Variants in BCL7C observed in about 807,000 individuals in gnomAD.
The protein encoded by BCL7C is BAF chromatin remodeling complex subunit BCL7C, also known as B-cell CLL/lymphoma 7 protein family member C.
Under a neutral mutation model 26.2 loss-of-function variants are expected in BCL7C, and 8 were observed. That is an observed-to-expected ratio of 0.30 (90% confidence interval 0.18 to 0.55). The LOEUF (loss-of-function observed/expected upper bound fraction) is 0.55. BCL7C is among the 20% of genes least tolerant of loss of function. The pLI is 0.93. For missense variants in BCL7C, 262 were observed against 298.5 expected (o/e 0.88, Z 0.90); for synonymous variants, 90 against 116.5 (o/e 0.77, Z 1.47).
chr16:30,885,058 G>A (rs1043593008), downstream of BCL7C, among the ~76,000 whole-genome samples: 16 of 152,166 alleles, frequency 1.1e-4, no homozygotes, highest in South Asian at 2.1e-4. Flanking sequence ...GCCCTCCAAA[G>A]AAGTCCACAT....
chr16:30,879,312 A>G (rs1468599562), intron 5 of BCL7C, among the ~76,000 whole-genome samples: 1 of 152,098 alleles, frequency 6.6e-6, no homozygotes, highest in East Asian at 1.9e-4. Context: ...AAGGCTGTCC[A>G]TCTCCCTGTG....
chr16:30,854,800 A>G (rs999853481), intron 5 of BCL7C, among the ~76,000 whole-genome samples: 1 of 150,194 alleles, frequency 6.7e-6, no homozygotes. Flanking sequence ...TCCGTCTCCC[A>G]GAGCGATTCT....
Position 30,888,084 on chromosome 16 carries a change from C to G in BCL7C, c.529-94G>C, listed in dbSNP as rs559223515. ...TCTCCAAAGCCTCCACTCCCCTCCC[C>G]TCCTGGGCCCGGGAGGCAAGCCCAG... On this transcript the variant is annotated intron_variant, in intron 5 of 5. Coordinates refer to ENST00000215115, the MANE Select transcript of BCL7C (RefSeq NM_004765.4). The G allele has an allele frequency of 7.1e-5, 97 of 1,366,314 alleles. 1 individual carries two copies. Among genetic ancestry groups the G allele is most frequent in the Non-Finnish European group, 9.0e-5 (91 of 1,011,710 alleles). The allele number at this position is 1,366,314 out of a possible 1,614,324, so 84.6% of individuals were successfully genotyped here.
intron 5 of BCL7C, among the ~76,000 whole-genome samples, chr16:30,871,357 T>C (rs1467579980): frequency 6.6e-6 from 1 of 152,170 alleles, no homozygotes. Context: ...GACAAGTGAC[T>C]TCACTTCTCT....
intron 5 of BCL7C, among the ~76,000 whole-genome samples, chr16:30,859,140 C>T (rs976614621): frequency 2.0e-5 from 3 of 152,146 alleles, no homozygotes; most frequent in African/African-American, 7.2e-5. Flanking sequence ...TGAGGGATTT[C>T]CTTAAGAAAA....
chr16:30,866,314 C>T (rs147834199), intron 5 of BCL7C, among the ~76,000 whole-genome samples: 64 of 152,264 alleles, frequency 4.2e-4, no homozygotes, highest in African/African-American at 1.5e-3. Context: ...CGGTGGTTCA[C>T]GCCTGTAATT....
intron 5 of BCL7C, among the ~76,000 whole-genome samples, chr16:30,840,926 G>A (rs1207734718): frequency 1.3e-5 from 2 of 152,154 alleles, no homozygotes; most frequent in South Asian, 2.1e-4. Context: ...CCCATGACAC[G>A]TGGAGATTAC....
Position 30,835,021 on chromosome 16 carries a change from TC to T in BCL7C, c.655del (p.Asp219ThrfsTer35). 1.3e-6 allele frequency: 2 copies of T among 1,549,244 alleles called. No individual in the cohort carries two copies. Among genetic ancestry groups the T allele is most frequent in the Non-Finnish European group, 1.7e-6 (2 of 1,146,544 alleles). ...GCTGCCTCCCCCGGGAGCTCTGGTG[TC>T]CGGCACCGCCATGGAACTGGGCCGG... On this transcript the variant is annotated frameshift_variant, in exon 6 of 6. Transcript: ENST00000380317. LOFTEE classifies it high-confidence loss of function.
downstream of BCL7C, among the ~76,000 whole-genome samples, chr16:30,883,536 CTTTTTTTTTTTTTTTT>C (rs71149065): frequency 2.2e-4 from 10 of 45,460 alleles, no homozygotes; most frequent in South Asian, 1.5e-3. Flanking sequence ...GCCAAACTGG[CTTTTTTTTTTTTTTTT>C]TTTTTTTTTT....
intron 5 of BCL7C, among the ~76,000 whole-genome samples, chr16:30,872,706 T>C (rs2054892078): frequency 6.6e-6 from 1 of 152,100 alleles, no homozygotes; most frequent in Non-Finnish European, 1.5e-5. Flanking sequence ...TGCTAGTCCA[T>C]TCCCCACCCC....
intron 5 of BCL7C, among the ~76,000 whole-genome samples, chr16:30,873,797 G>T (rs2054902966): frequency 6.8e-6 from 1 of 147,454 alleles, no homozygotes; most frequent in Non-Finnish European, 1.5e-5. Context: ...GTTGCAGTGA[G>T]CCGAGATCGA....
In BCL7C at chr16:30,841,674, G is replaced by A. The variant is rs577092766; in HGVS notation, c.529-6526C>T. ...GGGCTGTGTAAAGCTCAGGGCCCTT[G>A]GCCGGGCATGGTGGCTCACACCTGT... On this transcript the variant is annotated intron_variant, in intron 5 of 5. Coordinates refer to the BCL7C transcript ENST00000380317. Among the ~76,000 whole-genome samples, 5 of 152,242 alleles carry A rather than the reference G, an allele frequency of 3.3e-5. No homozygotes were observed. The South Asian group carries it at 1.0e-3, about 32-fold the overall frequency.
At chr16:30,853,530 C>T (rs1320728490) in intron 5 of BCL7C, among the ~76,000 whole-genome samples, 2 of 152,192 alleles carry the variant, frequency 1.3e-5, no homozygotes, top group South Asian at 2.1e-4. Context: ...TGGAGGTTTG[C>T]TTGGCTTCTT....
chr16:30,851,688 C>G, intron 5 of BCL7C: 1 of 734,900 alleles, frequency 1.4e-6, no homozygotes, highest in Non-Finnish European at 2.2e-6. Context: ...GTAATGGTTT[C>G]ACTGGGATTC....
At chr16:30,869,186 C>T (rs1169456979) in intron 5 of BCL7C, among the ~76,000 whole-genome samples, 1 of 152,080 alleles carries the variant, frequency 6.6e-6, no homozygotes, top group Non-Finnish European at 1.5e-5. Context: ...ATCGCTTTCC[C>T]TCTCTGAGCC....
In BCL7C at chr16:30,834,876, G is replaced by GCA; in HGVS notation, c.*70_*71dup. ...CTGGGAAGCTCTTTCCGCCCTCGGG[G>GCA]CACAGGTAGTGGCTGGATCTTGGGG... On this transcript the variant is annotated 3_prime_UTR_variant, in exon 6 of 6. Coordinates refer to the BCL7C transcript ENST00000380317. This position sits in a 1 kb window ranked among gnomAD's most constrained non-coding sequence, Gnocchi z 4.3. The GCA allele has an allele frequency of 7.2e-7, 1 of 1,390,416 alleles. No individual in the cohort carries two copies. The highest frequency in any genetic ancestry group is 1.5e-5 in the South Asian group (1 of 66,824). The allele number at this position is 1,390,416 out of a possible 1,614,324, so 86.1% of individuals were successfully genotyped here. A position where few individuals can be genotyped will look rare whatever the true frequency, so the allele number is the denominator to read the frequency against.
chr16:30,833,972 G>T (rs1282591387), exon 6 of BCL7C: 4 of 152,254 alleles, frequency 2.6e-5, no homozygotes, highest in African/African-American at 9.6e-5. Context: ...TCTGCAAAAT[G>T]CAGATAATGA....
chr16:30,892,174 G>A (rs2055250822), intron 4 of BCL7C, among the ~76,000 whole-genome samples: 1 of 148,626 alleles, frequency 6.7e-6, no homozygotes, highest in South Asian at 2.1e-4. Flanking sequence ...GGCTGAGGCG[G>A]GAGGATCGCT....
rs2055175735 is a variant in BCL7C at position 30,888,682 on chromosome 16, A to G, written c.528+178T>C. 1.6e-5 allele frequency: 9 copies of G among 559,436 alleles called. No individual in the cohort carries two copies. The South Asian group carries it at 1.9e-4, about 12-fold the overall frequency. The allele number at this position is 559,436 out of a possible 1,614,324, so 34.7% of individuals were successfully genotyped here. On this transcript the variant is annotated intron_variant, in intron 5 of 5. Transcript: ENST00000215115. ...AATCAGCCCTGATCCAGCCCTCAGC[A>G]CTTTGTCTCTGAAACACCCTTTCTT...
Sources: gnomAD v4.1 joint callset for allele counts (sites outside exome capture counted in the v4.1 genomes callset) on GRCh38, gnomAD v4.1.1 for gene constraint, Gnocchi (gnomAD v3.1) non-coding constraint, MANE v1.5 for transcripts, NCBI Gene and HGNC (gene_info 2026-07-23, HGNC 2026-07-21) for gene names.